Variants in ZNF33A observed in about 807,000 individuals in gnomAD.
ZNF33A encodes the protein brain my041 protein.
ZNF33A carries 9 observed loss-of-function variants against 15.9 expected under a neutral mutation model. The ratio of observed to expected loss-of-function variants is 0.57; its 90% CI spans 0.34 to 0.99. The LOEUF is 0.99. ZNF33A is among the 50% of genes least tolerant of loss of function. The pLI is 0.02. For missense variants in ZNF33A, 843 were observed against 941.6 expected, an observed-to-expected ratio of 0.90 and a Z score of 1.37; for synonymous variants, 294 against 324.2, an observed-to-expected ratio of 0.91 and a Z score of 1.00.
chr10:38,067,543 T>G (rs2026112), downstream of ZNF33A, among the ~76,000 whole-genome samples: 9,110 of 152,306 alleles, frequency 0.06, 350 homozygotes, highest in Middle Eastern at 0.1. Context: ...TGTTGTGGAT[T>G]CACATCTGTG....
intron 4 of ZNF33A, among the ~76,000 whole-genome samples, chr10:38,050,595 G>A (rs1002832061): frequency 1.3e-5 from 2 of 152,200 alleles, no homozygotes; most frequent in African/African-American, 4.8e-5. Flanking sequence ...GTTGGTCTGT[G>A]TAGTATGGCC....
At chr10:38,027,423 G>A (rs1564844317) in intron 4 of ZNF33A, among the ~76,000 whole-genome samples, 1 of 151,216 alleles carries the variant, frequency 6.6e-6, no homozygotes, top group Non-Finnish European at 1.5e-5. Context: ...GTACAATTAC[G>A]GCTCACTGCA....
chr10:38,042,503 C>CTTTTTTTTTTTTTTTTGCTTTTTTTTTT (rs34942508), intron 4 of ZNF33A, among the ~76,000 whole-genome samples: 1 of 135,522 alleles, frequency 7.4e-6, no homozygotes, highest in Non-Finnish European at 1.6e-5. Context: ...TTGCTTTATT[C>CTTTTTTTTTTTTTTTTGCTTTTTTTTTT]TTTTTTTTTT....
intron 4 of ZNF33A, among the ~76,000 whole-genome samples, chr10:38,024,163 C>CCAAAAAAAAAAAA (rs1554902706): frequency 1.1e-5 from 1 of 93,216 alleles, no homozygotes; most frequent in African/African-American, 4.1e-5. Flanking sequence ...AAAAACAAAA[C>CCAAAAAAAAAAAA]AAAAAAAAAA....
Position 38,057,851 on chromosome 10 carries a change from CCCAGGGCTGT to C in ZNF33A, c.*1292_*1301del, listed in dbSNP as rs2066548674. 2 of 985,376 alleles carry C rather than the reference CCCAGGGCTGT, an allele frequency of 2.0e-6. No individual in the cohort carries two copies. The highest frequency in any genetic ancestry group is 1.2e-6 in the Non-Finnish European group (1 of 829,924). The allele number at this position is 985,376 out of a possible 1,614,324, so 61.0% of individuals were successfully genotyped here. ...GGCCCACACATACAGCCCAGGGCTG[CCCAGGGCTGT>C]TGGACTGTCATTTCAAGGCTCATTG... On this transcript the variant is annotated 3_prime_UTR_variant, in exon 5 of 5. Transcript: ENST00000432900.
chr10:38,062,397 C>A (rs1432064723), downstream of ZNF33A, among the ~76,000 whole-genome samples: 2 of 152,238 alleles, frequency 1.3e-5, no homozygotes, highest in African/African-American at 2.4e-5. Flanking sequence ...GCTACACTCT[C>A]ATCTCTGCAC....
At chr10:38,048,385 T>C (rs113916640) in intron 4 of ZNF33A, among the ~76,000 whole-genome samples, 41 of 152,342 alleles carry the variant, frequency 2.7e-4, no homozygotes, top group African/African-American at 7.9e-4. Context: ...GTATATACTA[T>C]TGGAAGATCC....
At chr10:38,064,338 G>T, downstream of ZNF33A, 1 of 500,680 alleles carries the variant, frequency 2.0e-6, no homozygotes, top group Non-Finnish European at 3.5e-6. Flanking sequence ...CTGAGGAAGT[G>T]CACTGGCACT....
chr10:38,044,142 C>T (rs997007591), intron 4 of ZNF33A, among the ~76,000 whole-genome samples: 1 of 151,442 alleles, frequency 6.6e-6, no homozygotes, highest in African/African-American at 2.4e-5. Context: ...ATTACTTAAT[C>T]TCTATTGATC....
intron 4 of ZNF33A, among the ~76,000 whole-genome samples, chr10:38,051,218 T>C (rs183064319): frequency 2.6e-5 from 4 of 152,190 alleles, no homozygotes; most frequent in Non-Finnish European, 5.9e-5. Flanking sequence ...TAAATTTACA[T>C]GTAAAATTGA....
chr10:38,035,970 A>G (rs2135665287), intron 4 of ZNF33A, among the ~76,000 whole-genome samples: 1 of 152,310 alleles, frequency 6.6e-6, no homozygotes, highest in South Asian at 2.1e-4. Context: ...CCTTCTTAAC[A>G]CTTTTGTAAA....
intron 4 of ZNF33A, among the ~76,000 whole-genome samples, chr10:38,045,019 T>C (rs1161132946): frequency 6.6e-6 from 1 of 152,192 alleles, no homozygotes; most frequent in Non-Finnish European, 1.5e-5. Context: ...GATAGCTGGG[T>C]CTTCTCAAGG....
chr10:38,067,816 A>T (rs1684789176), downstream of ZNF33A, among the ~76,000 whole-genome samples: 1 of 152,152 alleles, frequency 6.6e-6, no homozygotes, highest in African/African-American at 2.4e-5. Flanking sequence ...AAAATGTGAA[A>T]ATCAAATTTG....
chr10:38,047,911 TC>T (rs2066027645), intron 4 of ZNF33A, among the ~76,000 whole-genome samples: 2 of 151,962 alleles, frequency 1.3e-5, no homozygotes, highest in East Asian at 3.9e-4. Context: ...TAAAATGAAA[TC>T]CTCAAAGCAG....
At chr10:38,042,966 A>G (rs2065774130) in intron 4 of ZNF33A, among the ~76,000 whole-genome samples, 1 of 152,214 alleles carries the variant, frequency 6.6e-6, no homozygotes, top group South Asian at 2.1e-4. Flanking sequence ...GAAAGGAGAA[A>G]AAATGTGCCT....
intron 4 of ZNF33A, among the ~76,000 whole-genome samples, chr10:38,036,170 T>G (rs1213661713): frequency 1.3e-5 from 2 of 152,214 alleles, no homozygotes; most frequent in African/African-American, 4.8e-5. Context: ...CCGGGTACGT[T>G]GGCTTATGCT....
chr10:38,053,898 A>G (rs1250140733), intron 4 of ZNF33A, among the ~76,000 whole-genome samples: 1 of 151,556 alleles, frequency 6.6e-6, no homozygotes, highest in Non-Finnish European at 1.5e-5. Flanking sequence ...TCTCTGGCTG[A>G]CTCTCTTTGT....
chr10:38,067,525 G>A (rs2066719181), downstream of ZNF33A, among the ~76,000 whole-genome samples: 1 of 152,204 alleles, frequency 6.6e-6, no homozygotes, highest in Non-Finnish European at 1.5e-5. Flanking sequence ...AAAGCCATAG[G>A]AAGGATTTGT....
chr10:38,045,423 T>C (rs2065906724), intron 4 of ZNF33A, among the ~76,000 whole-genome samples: 1 of 152,224 alleles, frequency 6.6e-6, no homozygotes, highest in African/African-American at 2.4e-5. Context: ...CGTATTGCTC[T>C]ATTGTTTTCA....
Sources: gnomAD v4.1 joint callset for allele counts (sites outside exome capture counted in the v4.1 genomes callset) on GRCh38, gnomAD v4.1.1 for gene constraint, MANE v1.5 for transcripts, NCBI Gene and HGNC (gene_info 2026-07-23, HGNC 2026-07-21) for gene names.